The following PDE11A variants were observed in gnomAD, a reference collection of about 807,000 sequenced individuals.
The protein encoded by PDE11A is dual 3',5'-cyclic-AMP and -GMP phosphodiesterase 11A.
In PDE11A, 100 loss-of-function variants were observed where a neutral mutation model predicts 100.5. The ratio of observed to expected loss-of-function variants is 1.00; its 90% confidence interval spans 0.85 to 1.18. The LOEUF is 1.18. PDE11A is among the 50% of genes most tolerant of loss of function. PDE11A has a pLI of 0.00. For synonymous variants in PDE11A, 381 were observed against 420.8 expected, an observed-to-expected ratio of 0.91 and a Z score of 1.16; for missense variants, 1,141 against 1,152.6, an observed-to-expected ratio of 0.99 and a Z score of 0.15.
At chr2:177,637,533 T>C (rs150699488) in intron 19 of PDE11A, among the ~76,000 whole-genome samples, 1 of 152,092 alleles carries the variant, frequency 6.6e-6, no homozygotes, top group Non-Finnish European at 1.5e-5. Context: ...TTTGTACTTG[T>C]CTTTTTTCCC....
chr2:177,783,442 C>A (rs2082484252), intron 9 of PDE11A, among the ~76,000 whole-genome samples: 1 of 152,060 alleles, frequency 6.6e-6, no homozygotes, highest in African/African-American at 2.4e-5. Context: ...GGACTGATTT[C>A]TAAATTCTTT....
intron 19 of PDE11A, among the ~76,000 whole-genome samples, chr2:177,639,720 T>C (rs1376382559): frequency 6.6e-6 from 1 of 152,252 alleles, no homozygotes; most frequent in Admixed American, 6.5e-5. Context: ...ACATCTGTTA[T>C]CATCTGGCTC....
intron 2 of PDE11A, among the ~76,000 whole-genome samples, chr2:177,967,042 T>C (rs1358504123): frequency 6.6e-6 from 1 of 152,056 alleles, no homozygotes; most frequent in Non-Finnish European, 1.5e-5. Flanking sequence ...ACATTATCAG[T>C]CTGTTCATGG....
rs557741115 is a variant in PDE11A, at chr2:177,823,813, C to T, written c.1501-3518G>A. Among the ~76,000 whole-genome samples, 8 of 152,214 alleles carry T rather than the reference C, an allele frequency of 5.3e-5. No homozygotes were observed. The South Asian group carries it at 1.5e-3, about 28-fold the overall frequency. On this transcript the variant is annotated intron_variant, in intron 6 of 19. Coordinates refer to ENST00000286063, the MANE Select transcript of PDE11A (RefSeq NM_016953.4). ...GGTCTGCTTTGTTTTGCTGTGGGAGCGACACATATCATTGTACAGACCATT... is the reference window on the plus strand; with the variant it reads ...GGTCTGCTTTGTTTTGCTGTGGGAGTGACACATATCATTGTACAGACCATT...
intron 5 of PDE11A, among the ~76,000 whole-genome samples, chr2:177,871,580 CTT>C (rs1439115519): frequency 6.7e-6 from 1 of 148,606 alleles, no homozygotes; most frequent in Non-Finnish European, 1.5e-5. Flanking sequence ...TATTTTAAAT[CTT>C]AGGCTTGGCA....
At chr2:177,711,711 C>A in intron 13 of PDE11A, 58 bp downstream of exon 13, 2 of 958,966 alleles carry the variant, frequency 2.1e-6, no homozygotes, top group East Asian at 4.9e-5. Flanking sequence ...CATTCGTCAC[C>A]TTTGGCTCTG....
At chr2:178,053,177 G>A (rs1344042168) in intron 1 of PDE11A, among the ~76,000 whole-genome samples, 2 of 152,100 alleles carry the variant, frequency 1.3e-5, no homozygotes, top group Admixed American at 1.3e-4. Context: ...TGATCAAGTG[G>A]GCTTCATCCC....
At chr2:177,996,231 TAAA>T (rs71010848) in intron 2 of PDE11A, among the ~76,000 whole-genome samples, 54 of 147,050 alleles carry the variant, frequency 3.7e-4, no homozygotes, top group Middle Eastern at 3.4e-3. Context: ...CCGTCTCAAA[TAAA>T]AAAAAAAAAA....
rs558171191 is a variant in PDE11A, at chr2:177,936,073, G to A, written c.1072-30886C>T. On this transcript the variant is annotated intron_variant, in intron 2 of 19. Transcript: ENST00000286063. Reference sequence around the variant, plus strand: ...ATCTATGTATTTATCTTAACCTACCGTCTTAGGGAACCACAGAAAAAGATG... The same window carrying A: ...ATCTATGTATTTATCTTAACCTACCATCTTAGGGAACCACAGAAAAAGATG... Among the ~76,000 whole-genome samples, 11 of 152,238 alleles carry A rather than the reference G, an allele frequency of 7.2e-5. No homozygotes were observed. The South Asian group carries it at 1.2e-3, about 17-fold the overall frequency.
intron 10 of PDE11A, among the ~76,000 whole-genome samples, chr2:177,760,055 A>G (rs537838601): frequency 1.3e-5 from 2 of 152,328 alleles, no homozygotes; most frequent in Non-Finnish European, 2.9e-5. Flanking sequence ...CGCCACTTGA[A>G]GAACAGCATT....
intron 1 of PDE11A, among the ~76,000 whole-genome samples, chr2:178,046,460 G>A (rs1234999512): frequency 6.6e-6 from 1 of 152,154 alleles, no homozygotes; most frequent in African/African-American, 2.4e-5. Flanking sequence ...GAAAGTAGTT[G>A]ATCTCTGTAT....
intron 2 of PDE11A, among the ~76,000 whole-genome samples, chr2:177,967,199 T>TC (rs2085709332): frequency 7.7e-6 from 1 of 129,456 alleles, no homozygotes; most frequent in Admixed American, 7.9e-5. Flanking sequence ...GTCTCCTTTG[T>TC]CTTTTTTTTT....
chr2:177,696,170 A>G (rs1013335565), intron 15 of PDE11A, among the ~76,000 whole-genome samples: 1 of 152,216 alleles, frequency 6.6e-6, no homozygotes, highest in Non-Finnish European at 1.5e-5. Flanking sequence ...CTTTGAAAGC[A>G]ATGTGGACAC....
chr2:177,709,475 G>T (rs1031990996), intron 13 of PDE11A, among the ~76,000 whole-genome samples: 2 of 152,192 alleles, frequency 1.3e-5, no homozygotes, highest in Non-Finnish European at 2.9e-5. Context: ...AAGAGGCATG[G>T]AGGGAAAGAC....
chr2:177,994,737 C>T (rs960728769), intron 2 of PDE11A, among the ~76,000 whole-genome samples: 11 of 152,138 alleles, frequency 7.2e-5, no homozygotes, highest in Non-Finnish European at 1.5e-4. Context: ...TTTTCTTTTA[C>T]TTAAGAAATC....
At chr2:177,744,926 A>G (rs550980380) in intron 10 of PDE11A, among the ~76,000 whole-genome samples, 1 of 152,354 alleles carries the variant, frequency 6.6e-6, no homozygotes, top group Admixed American at 6.5e-5. Context: ...CTTCAGCCTG[A>G]ATCCTGGATG....
intron 15 of PDE11A, chr2:177,688,294 C>T (rs1204195337): frequency 6.6e-6 from 1 of 152,208 alleles, no homozygotes; most frequent in Non-Finnish European, 1.5e-5. Flanking sequence ...TTCACAGCTC[C>T]AGGTGATGTA....
intron 2 of PDE11A, among the ~76,000 whole-genome samples, chr2:177,968,528 C>T (rs1001356785): frequency 6.6e-6 from 1 of 152,184 alleles, no homozygotes; most frequent in African/African-American, 2.4e-5. Context: ...AGAACTACTA[C>T]ATACAATTCC....
chr2:178,019,775 G>A (rs1304273809), intron 1 of PDE11A, among the ~76,000 whole-genome samples: 1 of 152,152 alleles, frequency 6.6e-6, no homozygotes. Flanking sequence ...TGGGAGGGGA[G>A]AATAGACAAA....
Sources: gnomAD v4.1 joint callset for allele counts (sites outside exome capture counted in the v4.1 genomes callset) on GRCh38, gnomAD v4.1.1 for gene constraint, MANE v1.5 for transcripts, NCBI Gene and HGNC (gene_info 2026-07-23, HGNC 2026-07-21) for gene names.